Variants in MARCHF7 observed in about 807,000 individuals in gnomAD.
MARCHF7 encodes the protein membrane associated ring-CH-type finger 7.
Under a neutral mutation model 76.5 loss-of-function variants are expected in MARCHF7, and 20 were observed. The observed-to-expected ratio is 0.26, with a 90% CI of 0.18 to 0.38. The LOEUF (loss-of-function observed/expected upper bound fraction) is 0.38. MARCHF7 is among the 10% of genes least tolerant of loss of function. MARCHF7 has a pLI of 1.00. For missense variants in MARCHF7, 797 were observed against 812.9 expected, an observed-to-expected ratio of 0.98 and a Z score of 0.24; for synonymous variants, 295 against 293.0, an observed-to-expected ratio of 1.01 and a Z score of -0.07.
intron 4 of MARCHF7, among the ~76,000 whole-genome samples, chr2:159,731,857 C>A (rs1702836229): frequency 6.6e-6 from 1 of 152,102 alleles, no homozygotes; most frequent in Non-Finnish European, 1.5e-5. Flanking sequence ...GTAATCCCAG[C>A]ACTTTGGGAG....
rs762810354 is a variant in MARCHF7 at position 159,731,453 on chromosome 2, A to G, written c.153+2278A>G. Among the ~76,000 whole-genome samples the G allele has an allele frequency of 2.8e-4, 42 of 152,296 alleles. No homozygotes were observed. In the Middle Eastern group the frequency reaches 0.017, roughly 62 times the overall value. On this transcript the variant is annotated intron_variant, in intron 4 of 11. Transcript: ENST00000409175. The stretch of plus-strand genomic sequence containing the variant: ...TTCTAACTTGTTAATGTTGTAGATT[A>G]TTCAAAAAAGTTCATTTCTGGCCTG...
intron 3 of MARCHF7, among the ~76,000 whole-genome samples, chr2:159,716,342 A>G (rs1701035083): frequency 6.6e-6 from 1 of 151,992 alleles, no homozygotes; most frequent in Non-Finnish European, 1.5e-5. Flanking sequence ...TATTTCTGCA[A>G]GACTCTTGAA....
At chr2:159,747,707 T>C in intron 6 of MARCHF7, 98 bp from the exon 7 acceptor site, 1 of 1,181,376 alleles carries the variant, frequency 8.5e-7, no homozygotes, top group Admixed American at 2.5e-5. Context: ...CAGTATTAAG[T>C]TTGAATCCAG....
chr2:159,741,523 A>G (rs1013892538), intron 4 of MARCHF7, among the ~76,000 whole-genome samples: 1 of 152,182 alleles, frequency 6.6e-6, no homozygotes, highest in Admixed American at 6.5e-5. Context: ...CTTTCACTGT[A>G]CTTACTATTA....
intron 4 of MARCHF7, 26 bp downstream of exon 4, chr2:159,729,201 TATAC>T: frequency 6.6e-7 from 1 of 1,520,776 alleles, no homozygotes; most frequent in Non-Finnish European, 8.9e-7. Context: ...GGAATATATG[TATAC>T]AGCCTTTTTC....
At chr2:159,730,605 T>C (rs186958188) in intron 4 of MARCHF7, among the ~76,000 whole-genome samples, 1 of 152,370 alleles carries the variant, frequency 6.6e-6, no homozygotes, top group Non-Finnish European at 1.5e-5. Flanking sequence ...ATTGATACTG[T>C]ACATTTTCTG....
At chr2:159,729,956 G>A (rs1344896494) in intron 4 of MARCHF7, among the ~76,000 whole-genome samples, 3 of 152,164 alleles carry the variant, frequency 2.0e-5, no homozygotes, top group Non-Finnish European at 4.4e-5. Flanking sequence ...ATCTTTTTAT[G>A]AAAGTGCTAA....
chr2:159,748,773 A>G lies in MARCHF7; in HGVS notation c.1483A>G (p.Asn495Asp). The change falls in exon 7 of 12, where the codon AAT becomes GAT. Residue 495 changes from asparagine (N) to aspartate (D), a missense_variant. Around this residue, in one of 3 missense-constraint regions of MARCHF7, gnomAD observed 643 missense variants for 631.5 expected, o/e 1.02. Coordinates refer to ENST00000409175, the MANE Select transcript of MARCHF7 (RefSeq NM_001282805.2). Reference sequence around the variant, plus strand: ...TGCAGTCCCTCCAGCACTTGGGAGTAATTTGACCGACAATGTCATGATCAC... The same window carrying G: ...TGCAGTCCCTCCAGCACTTGGGAGTGATTTGACCGACAATGTCATGATCAC... ...RFAVPPALGS[N>D]LTDNVMITVD... The G allele has an allele frequency of 6.2e-7, 1 of 1,614,182 alleles. No individual in the cohort carries two copies. The highest frequency in any genetic ancestry group is 8.5e-7 in the Non-Finnish European group (1 of 1,180,042).
At chr2:159,761,004 T>G (rs1423412338) in intron 9 of MARCHF7, among the ~76,000 whole-genome samples, 1 of 152,074 alleles carries the variant, frequency 6.6e-6, no homozygotes, top group African/African-American at 2.4e-5. Flanking sequence ...TGGCTTGATC[T>G]TTTGCAAGGT....
chr2:159,728,220 G>C (rs977990953), intron 3 of MARCHF7, among the ~76,000 whole-genome samples: 2 of 152,214 alleles, frequency 1.3e-5, no homozygotes, highest in African/African-American at 4.8e-5. Flanking sequence ...GGTCTGGAGA[G>C]TCAGTGAACT....
chr2:159,730,240 A>G (rs1702624989), intron 4 of MARCHF7, among the ~76,000 whole-genome samples: 1 of 152,190 alleles, frequency 6.6e-6, no homozygotes, highest in Non-Finnish European at 1.5e-5. Flanking sequence ...ATTGTAGCAA[A>G]TTTAAGCTCA....
chr2:159,758,510 GC>G (rs1706608662), intron 8 of MARCHF7, among the ~76,000 whole-genome samples: 1 of 152,050 alleles, frequency 6.6e-6, no homozygotes, highest in African/African-American at 2.4e-5. Context: ...TCCCTTCTCT[GC>G]CAAATCCCTA....
At chr2:159,761,460 G>A (rs1482324767) in intron 9 of MARCHF7, among the ~76,000 whole-genome samples, 5 of 116,176 alleles carry the variant, frequency 4.3e-5, no homozygotes, top group African/African-American at 1.3e-4. Flanking sequence ...TGTCACCCAG[G>A]CTGGAGTGCA....
intron 3 of MARCHF7, among the ~76,000 whole-genome samples, chr2:159,720,457 G>C (rs1157458235): frequency 1.3e-5 from 2 of 152,102 alleles, no homozygotes; most frequent in African/African-American, 4.8e-5. Flanking sequence ...GCAGTTTCCT[G>C]TTCCTTGCCT....
Position 159,743,243 on chromosome 2 carries a change from C to T in MARCHF7, c.336C>T (p.Asn112=), listed in dbSNP as rs1196578226. 3.1e-6 allele frequency: 5 copies of T among 1,613,430 alleles called. No homozygotes were observed. Among genetic ancestry groups the T allele is most frequent in the South Asian group, 2.2e-5 (2 of 91,026 alleles). ...SAGRNVGNGL[N]TLSDSSWRHS... ...GGAGAAATGTTGGAAATGGTTTAAA[C>T]ACATTATCAGGTAAGAATGAGTTTC... Residue 112 remains asparagine, a synonymous_variant, in exon 5 of 12, where the codon AAC becomes AAT. Coordinates refer to ENST00000409175, the MANE Select transcript of MARCHF7 (RefSeq NM_001282805.2).
rs1289959563 is a variant in MARCHF7, at chr2:159,770,054, A to C, written c.*2712A>C. On this transcript the variant is annotated 3_prime_UTR_variant, in exon 12 of 12. Transcript: ENST00000409175. ...TGTTGGTTTTAAGTTGGACTTAATCACTTTCCTACCCAAATTCTACCACTC... is the reference window on the plus strand; with the variant it reads ...TGTTGGTTTTAAGTTGGACTTAATCCCTTTCCTACCCAAATTCTACCACTC... The C allele has an allele frequency of 6.6e-6, 1 of 152,158 alleles. No individual in the cohort carries two copies. Among genetic ancestry groups the C allele is most frequent in the Non-Finnish European group, 1.5e-5 (1 of 68,026 alleles). 9.4% of individuals were successfully genotyped at this position (152,158 alleles called of 1,614,324 possible). A position where few individuals can be genotyped will look rare whatever the true frequency, so the allele number is the denominator to read the frequency against.
rs1350898276 is a variant in MARCHF7, at chr2:159,769,302, C to T, written c.*1960C>T. On this transcript the variant is annotated 3_prime_UTR_variant, in exon 12 of 12. Coordinates refer to ENST00000409175, the MANE Select transcript of MARCHF7 (RefSeq NM_001282805.2). ...TGCCTGTGTAATCCAATTATCTCTT[C>T]ACTAATGAGTAGATAAGGTGCCTGT... The T allele has an allele frequency of 6.6e-6, 1 of 152,168 alleles. No individual in the cohort carries two copies. The highest frequency in any genetic ancestry group is 1.9e-4 in the East Asian group (1 of 5,198). 9.4% of individuals were successfully genotyped at this position (152,168 alleles called of 1,614,324 possible).
chr2:159,762,231 C>G (rs1229185910), intron 9 of MARCHF7, among the ~76,000 whole-genome samples: 2 of 152,160 alleles, frequency 1.3e-5, no homozygotes, highest in Non-Finnish European at 2.9e-5. Flanking sequence ...TTCTTTTGTT[C>G]TCTGGAGCAC....
At chr2:159,763,341 C>T (rs951544064) in intron 10 of MARCHF7, among the ~76,000 whole-genome samples, 1 of 152,232 alleles carries the variant, frequency 6.6e-6, no homozygotes, top group East Asian at 1.9e-4. Context: ...TGAAATTGAA[C>T]TCCAAAAGCC....
Sources: allele counts gnomAD v4.1 joint callset (sites outside exome capture counted in the v4.1 genomes callset), GRCh38; gene constraint gnomAD v4.1.1; regional missense constraint gnomAD v4.1.1; transcripts MANE v1.5; gene names NCBI Gene and HGNC (gene_info 2026-07-23, HGNC 2026-07-21).